NAA11: variants seen among roughly 807,000 people sequenced by gnomAD.
The protein encoded by NAA11 is N-alpha-acetyltransferase 11.
In NAA11, 15 loss-of-function variants were observed where a neutral mutation model predicts 16.1. The ratio of observed to expected loss-of-function variants is 0.93; its 90% CI spans 0.62 to 1.44. The LOEUF is 1.44. Among genes scored for constraint, NAA11 ranks in the 40% most tolerant of loss-of-function variants. NAA11 has a pLI of 0.00. For synonymous variants in NAA11, 122 were observed against 112.4 expected, an observed-to-expected ratio of 1.09 and a Z score of -0.54; for missense variants, 298 against 291.3, an observed-to-expected ratio of 1.02 and a Z score of -0.17.
chr4:79,169,288 G>T, the NAA11 span, among the ~76,000 whole-genome samples: 1 of 152,104 alleles, frequency 6.6e-6, no homozygotes, highest in African/African-American at 2.4e-5. Flanking sequence ...AAAAGAGTTT[G>T]TATAACCAAG....
chr4:79,191,642 T>G, the NAA11 span, among the ~76,000 whole-genome samples: 1 of 152,238 alleles, frequency 6.6e-6, no homozygotes, highest in Non-Finnish European at 1.5e-5. Flanking sequence ...GTCTGTTTAC[T>G]CTGTTGATAG....
At chr4:79,213,781 C>T in the NAA11 span, among the ~76,000 whole-genome samples, 1 of 152,056 alleles carries the variant, frequency 6.6e-6, no homozygotes, top group Non-Finnish European at 1.5e-5. Context: ...TTTACTTCTC[C>T]ACTTGTTTTG....
At chr4:79,323,745 C>T (rs1375172700) in intron 1 of NAA11, among the ~76,000 whole-genome samples, 3 of 152,002 alleles carry the variant, frequency 2.0e-5, no homozygotes, top group African/African-American at 7.2e-5. Context: ...GGCGTGAACC[C>T]GGGAGGCGGA....
intron 2 of NAA11, among the ~76,000 whole-genome samples, chr4:79,261,749 G>A (rs540267794): frequency 5.3e-5 from 8 of 152,208 alleles, no homozygotes; most frequent in South Asian, 2.1e-4. Flanking sequence ...TAGAAATATC[G>A]AGAGCAGCAT....
At chr4:79,156,996 C>A in the NAA11 span, among the ~76,000 whole-genome samples, 60 of 152,272 alleles carry the variant, frequency 3.9e-4, no homozygotes, top group South Asian at 0.012. Flanking sequence ...GTCTAGTGCA[C>A]ATTATCCCTG....
At chr4:79,272,754 T>C (rs1560439697) in intron 2 of NAA11, among the ~76,000 whole-genome samples, 1 of 151,952 alleles carries the variant, frequency 6.6e-6, no homozygotes, top group Admixed American at 6.6e-5. Flanking sequence ...TACTTAACAT[T>C]GAACATTTTT....
chr4:79,189,290 G>A, the NAA11 span, among the ~76,000 whole-genome samples: 1 of 152,008 alleles, frequency 6.6e-6, no homozygotes, highest in Non-Finnish European at 1.5e-5. Context: ...CAAGCTAACG[G>A]ATCCAAAGGG....
chr4:79,226,350 T>C (rs1396147147), intron 2 of NAA11: 1 of 152,064 alleles, frequency 6.6e-6, no homozygotes, highest in African/African-American at 2.4e-5. Flanking sequence ...ACACATCTCT[T>C]CTGATCATCA....
At chr4:79,161,415 A>T in the NAA11 span, among the ~76,000 whole-genome samples, 2 of 152,168 alleles carry the variant, frequency 1.3e-5, no homozygotes, top group Non-Finnish European at 2.9e-5. Context: ...TACTGTTTTG[A>T]TTACTATAGC....
chr4:79,269,794 T>TG (rs1358640206), intron 2 of NAA11, among the ~76,000 whole-genome samples: 5 of 141,250 alleles, frequency 3.5e-5, no homozygotes, highest in Non-Finnish European at 7.7e-5. Context: ...ATGTCCTGAA[T>TG]GGTAATGCCT....
chr4:79,167,132 T>TTTTATATATATATATATATATATATA, the NAA11 span, among the ~76,000 whole-genome samples: 1 of 17,298 alleles, frequency 5.8e-5, no homozygotes, highest in Middle Eastern at 0.015. Flanking sequence ...ACAGCTTATT[T>TTTTATATATATATATATATATATATA]TATATATATA....
the NAA11 span, among the ~76,000 whole-genome samples, chr4:79,202,135 A>T: frequency 6.6e-6 from 1 of 151,410 alleles, no homozygotes; most frequent in Admixed American, 6.6e-5. Flanking sequence ...TTTCCATGAG[A>T]TCAACCTTTT....
the NAA11 span, among the ~76,000 whole-genome samples, chr4:79,217,630 T>G: frequency 2.0e-5 from 3 of 152,178 alleles, no homozygotes; most frequent in Non-Finnish European, 4.4e-5. Flanking sequence ...CATGAATTAT[T>G]ATAGTGAATA....
intron 1 of NAA11, among the ~76,000 whole-genome samples, chr4:79,309,829 C>T (rs1261593833): frequency 1.3e-5 from 2 of 149,020 alleles, no homozygotes; most frequent in Non-Finnish European, 3.0e-5. Flanking sequence ...CATTCTTCTG[C>T]CTCAGCCCCT....
chr4:79,259,019 C>T, intron 2 of NAA11: 1 of 175,814 alleles, frequency 5.7e-6, no homozygotes, highest in Non-Finnish European at 1.2e-5. Flanking sequence ...GACAGTGGGA[C>T]AACCTGTCTG....
At chr4:79,288,332 G>C (rs1013382065) in intron 2 of NAA11, among the ~76,000 whole-genome samples, 2 of 152,204 alleles carry the variant, frequency 1.3e-5, no homozygotes, top group African/African-American at 4.8e-5. Context: ...GATTTCATGA[G>C]TAGGCCAGAG....
chr4:79,175,743 T>TAAAA, the NAA11 span, among the ~76,000 whole-genome samples: 27 of 123,454 alleles, frequency 2.2e-4, no homozygotes, highest in African/African-American at 6.8e-4. Context: ...GTAATCACTG[T>TAAAA]AAAAAAAAAA....
chr4:79,205,188 G>A, the NAA11 span, among the ~76,000 whole-genome samples: 1 of 152,006 alleles, frequency 6.6e-6, no homozygotes, highest in Admixed American at 6.6e-5. Flanking sequence ...ATACCCAGTA[G>A]TGGGATTGCT....
At chr4:79,198,549 G>T in the NAA11 span, among the ~76,000 whole-genome samples, 1 of 151,806 alleles carries the variant, frequency 6.6e-6, no homozygotes, top group Non-Finnish European at 1.5e-5. Context: ...GAGGTCTGGG[G>T]TATCCTCCTG....
Sources: gnomAD v4.1 joint callset for allele counts (sites outside exome capture counted in the v4.1 genomes callset) on GRCh38, gnomAD v4.1.1 for gene constraint, MANE v1.5 for transcripts, NCBI Gene and HGNC (gene_info 2026-07-23, HGNC 2026-07-21) for gene names.